RASEF: variants seen among roughly 807,000 people sequenced by gnomAD.
RASEF encodes the protein ras and EF-hand domain-containing protein.
In RASEF, 68 loss-of-function variants were observed where a neutral mutation model predicts 90.1. The ratio of observed to expected loss-of-function variants is 0.75; its 90% CI spans 0.62 to 0.92. The LOEUF is 0.92. RASEF is among the 40% of genes least tolerant of loss of function. The pLI is 0.00. For synonymous variants in RASEF, 331 were observed against 345.2 expected, an observed-to-expected ratio of 0.96 and a Z score of 0.46; for missense variants, 949 against 937.2, an observed-to-expected ratio of 1.01 and a Z score of -0.16.
rs749888100 is a variant in RASEF, at chr9:83,005,421, A to T, written c.1108T>A (p.Ser370Thr). The T allele has an allele frequency of 2.5e-6, 4 of 1,607,872 alleles. No homozygotes were observed. In the East Asian group the frequency reaches 8.9e-5, roughly 36 times the overall value. ...GGTAAAACTATGTGGCATACCAAAGATCTGTTGAACTTGCTATAACTGTTT... is the reference window on the plus strand; with the variant it reads ...GGTAAAACTATGTGGCATACCAAAGTTCTGTTGAACTTGCTATAACTGTTT... Reference protein sequence around the residue: ...LENSYSKFNRSLHINNISPGN... With the variant: ...LENSYSKFNRTLHINNISPGN... Residue 370 changes from serine to threonine, a missense_variant, in exon 8 of 17, where the codon TCT becomes ACT. By Grantham distance (58) the Ser-to-Thr change is moderately conservative. Transcript: ENST00000376447.
At position 83,005,519 on chromosome 9, in the gene RASEF, A is replaced by G; in HGVS notation, c.1029-19T>C. ...AGCTGTTCTGCAGGGTAAAGAAACA[A>G]GCAGAAAGAGAGACAAGGAAAGTAT... On this transcript the variant is annotated intron_variant, in intron 7 of 16. Transcript: ENST00000376447. 6.3e-7 allele frequency: 1 copy of G among 1,583,260 alleles called. No homozygotes were observed. Among genetic ancestry groups the G allele is most frequent in the Non-Finnish European group, 8.7e-7 (1 of 1,152,102 alleles).
In RASEF at chr9:83,001,093, A is replaced by G; in HGVS notation, c.1240T>C (p.Ser414Pro). 6.2e-7 allele frequency: 1 copy of G among 1,614,130 alleles called. No homozygotes were observed. Among genetic ancestry groups the G allele is most frequent in the Non-Finnish European group, 8.5e-7 (1 of 1,179,968 alleles). The change falls in exon 10 of 17, where the codon TCC becomes CCC. Residue 414 changes from serine to proline, a missense_variant. Physicochemically the swap from Ser to Pro is moderately conservative, Grantham distance 74. Transcript: ENST00000376447. ...RSSYVDEDCD[S>P]LALCDPLQRT... ...TGCAGAGGATCACAGAGGGCCAGGG[A>G]GTCACAGTCCTCATCCACATAGGAA...
At position 83,015,919 on chromosome 9, in the gene RASEF, T is replaced by C. The variant is rs1319504990; in HGVS notation, c.670-19A>G. 2.5e-6 allele frequency: 4 copies of C among 1,574,284 alleles called. No individual in the cohort carries two copies. Among genetic ancestry groups the C allele is most frequent in the South Asian group, 1.1e-5 (1 of 90,268 alleles). ...GTTTTTCCTAAAAGAAAAAAAAATA[T>C]GTTGTTCATTTAAATAAGTTCACCC... is the stretch of plus-strand genomic sequence containing the variant. On this transcript the variant is annotated intron_variant, in intron 3 of 16. Coordinates refer to ENST00000376447, the MANE Select transcript of RASEF (RefSeq NM_152573.4).
the RASEF span, among the ~76,000 whole-genome samples, chr9:83,085,687 A>G: frequency 6.6e-6 from 1 of 152,068 alleles, no homozygotes; most frequent in Non-Finnish European, 1.5e-5. Context: ...GCACTTTGGG[A>G]GGCCGAGGCG....
the RASEF span, among the ~76,000 whole-genome samples, chr9:83,163,808 A>G: frequency 6.6e-6 from 1 of 152,242 alleles, no homozygotes; most frequent in Non-Finnish European, 1.5e-5. Flanking sequence ...AATATTTTAA[A>G]CAATAATGAC....
At chr9:83,148,680 G>A in the RASEF span, among the ~76,000 whole-genome samples, 2 of 152,182 alleles carry the variant, frequency 1.3e-5, no homozygotes, top group South Asian at 2.1e-4. Context: ...AAACTGATAC[G>A]ATGTGGATTA....
upstream of RASEF, among the ~76,000 whole-genome samples, chr9:83,066,321 A>T (rs1830282263): frequency 6.6e-6 from 1 of 152,224 alleles, no homozygotes; most frequent in Non-Finnish European, 1.5e-5. Flanking sequence ...ACAAACGTTT[A>T]CACAATTGCA....
intron 1 of RASEF, among the ~76,000 whole-genome samples, chr9:83,049,581 G>A (rs1269120222): frequency 8.3e-6 from 1 of 120,612 alleles, no homozygotes; most frequent in Non-Finnish European, 1.6e-5. Context: ...GGGTACATGT[G>A]CACATTGTGC....
chr9:83,106,232 GA>G, the RASEF span, among the ~76,000 whole-genome samples: 1 of 152,252 alleles, frequency 6.6e-6, no homozygotes, highest in East Asian at 1.9e-4. Context: ...TGTTTTAAGA[GA>G]GATCCCTGAT....
the RASEF span, among the ~76,000 whole-genome samples, chr9:83,082,131 T>G: frequency 6.6e-6 from 1 of 152,180 alleles, no homozygotes; most frequent in East Asian, 1.9e-4. Flanking sequence ...TAGTATGATC[T>G]TGGCCCTTGG....
At chr9:83,188,109 G>A in the RASEF span, among the ~76,000 whole-genome samples, 1 of 152,074 alleles carries the variant, frequency 6.6e-6, no homozygotes, top group South Asian at 2.1e-4. Flanking sequence ...CATTATACTT[G>A]TGCCTCCATT....
intron 1 of RASEF, chr9:83,054,935 C>T (rs1289859894): frequency 6.7e-6 from 1 of 149,292 alleles, no homozygotes; most frequent in Non-Finnish European, 1.5e-5. Context: ...GGGAGAACCA[C>T]TGCTCTCTTC....
intron 15 of RASEF, among the ~76,000 whole-genome samples, chr9:82,991,943 C>T (rs944139646): frequency 3.3e-5 from 5 of 152,188 alleles, no homozygotes; most frequent in African/African-American, 1.2e-4. Flanking sequence ...TTGCTTTGTT[C>T]TCTGCTCTTG....
chr9:83,216,623 T>C, the RASEF span, among the ~76,000 whole-genome samples: 1 of 152,094 alleles, frequency 6.6e-6, no homozygotes, highest in African/African-American at 2.4e-5. Flanking sequence ...ATGGAGAACC[T>C]CTGCTAGGGC....
the RASEF span, among the ~76,000 whole-genome samples, chr9:83,168,079 C>T: frequency 6.6e-6 from 1 of 152,116 alleles, no homozygotes; most frequent in African/African-American, 2.4e-5. Context: ...AGTTGAGGAA[C>T]TGCCAAAATA....
intron 1 of RASEF, among the ~76,000 whole-genome samples, chr9:83,060,432 A>T (rs1028203192): frequency 1.3e-5 from 2 of 152,158 alleles, no homozygotes; most frequent in Non-Finnish European, 2.9e-5. Context: ...TGCTGGAAAA[A>T]TGTTTCATCC....
At chr9:83,090,398 A>G in the RASEF span, among the ~76,000 whole-genome samples, 1 of 151,054 alleles carries the variant, frequency 6.6e-6, no homozygotes, top group Non-Finnish European at 1.5e-5. Flanking sequence ...CTGTGTGTGT[A>G]TGAGCCATAC....
chr9:83,115,972 A>G, the RASEF span, among the ~76,000 whole-genome samples: 1 of 152,208 alleles, frequency 6.6e-6, no homozygotes, highest in Admixed American at 6.5e-5. Flanking sequence ...GTTTTAACAA[A>G]GAAATAGAAA....
At chr9:83,006,602 G>A (rs1173448411) in intron 7 of RASEF, among the ~76,000 whole-genome samples, 2 of 152,088 alleles carry the variant, frequency 1.3e-5, no homozygotes, top group South Asian at 2.1e-4. Flanking sequence ...GGGAAGGAGA[G>A]GGGTAGGTTT....
Sources: allele counts gnomAD v4.1 joint callset (sites outside exome capture counted in the v4.1 genomes callset), GRCh38; gene constraint gnomAD v4.1.1; transcripts MANE v1.5; gene names NCBI Gene and HGNC (gene_info 2026-07-23, HGNC 2026-07-21).